Variants in MALRD1 observed in about 807,000 individuals in gnomAD.
MALRD1 encodes the protein MAM and LDL-receptor class A domain-containing protein 1.
In MALRD1, 247 loss-of-function variants were observed where a neutral mutation model predicts 242.1. The ratio of observed to expected loss-of-function variants is 1.02; its 90% CI spans 0.92 to 1.13. The LOEUF (loss-of-function observed/expected upper bound fraction) is 1.13. Ranked by LOEUF, MALRD1 falls within the 50% of genes most tolerant of loss-of-function variation. The pLI, the probability that MALRD1 is intolerant of heterozygous loss-of-function variation, is 0.00. For missense variants in MALRD1, 2,989 were observed against 2,533.1 expected, an observed-to-expected ratio of 1.18 and a Z score of -3.86; for synonymous variants, 995 against 866.6, an observed-to-expected ratio of 1.15 and a Z score of -2.60.
intron 33 of MALRD1, among the ~76,000 whole-genome samples, chr10:19,582,060 G>C (rs1325708208): frequency 6.6e-6 from 1 of 151,992 alleles, no homozygotes; most frequent in East Asian, 1.9e-4. Context: ...CCCACTTTTT[G>C]ATGGGGTTGT....
At chr10:19,502,019 AAAAAAAGAAAAG>A (rs1463364679) in intron 31 of MALRD1, among the ~76,000 whole-genome samples, 1 of 113,270 alleles carries the variant, frequency 8.8e-6, no homozygotes, top group Non-Finnish European at 1.7e-5. Context: ...TCTCAAAAAA[AAAAAAAGAAAAG>A]AAAAGAAAAG....
At chr10:19,489,460 G>C in intron 29 of MALRD1, 1 of 581,874 alleles carries the variant, frequency 1.7e-6, no homozygotes, top group South Asian at 1.4e-5. Flanking sequence ...CAATCCAGGG[G>C]AATATTTTTA....
At chr10:19,471,422 T>C (rs1193095398) in intron 29 of MALRD1, among the ~76,000 whole-genome samples, 2 of 151,928 alleles carry the variant, frequency 1.3e-5, no homozygotes, top group Admixed American at 6.6e-5. Context: ...TCAGGGTATT[T>C]TGTAATTCGA....
chr10:19,699,432 A>G (rs1477899909), intron 38 of MALRD1, among the ~76,000 whole-genome samples: 2 of 151,996 alleles, frequency 1.3e-5, no homozygotes, highest in Non-Finnish European at 2.9e-5. Flanking sequence ...GAAAATAGAG[A>G]TAAATTGGAA....
At chr10:19,619,495 A>G (rs1032752489) in intron 36 of MALRD1, among the ~76,000 whole-genome samples, 2 of 152,046 alleles carry the variant, frequency 1.3e-5, no homozygotes, top group African/African-American at 2.4e-5. Flanking sequence ...TTTTAAGGAT[A>G]CCTCCAACAA....
chr10:19,429,654 C>G (rs151117435), intron 28 of MALRD1, among the ~76,000 whole-genome samples: 2 of 152,254 alleles, frequency 1.3e-5, no homozygotes, highest in African/African-American at 4.8e-5. Flanking sequence ...TTGATACCTG[C>G]TATAGCCCCC....
In MALRD1 at chr10:19,518,956, A is replaced by G. The variant is rs145812044; in HGVS notation, c.5321-12238A>G. On this transcript the variant is annotated intron_variant, in intron 31 of 39. Coordinates refer to ENST00000454679, the MANE Select transcript of MALRD1 (RefSeq NM_001142308.3). ...CAATGAATTAGACAGCATTATCCCT[A>G]TAATGCTGTTTGGTGTATGTAATGC... 1.6e-3 allele frequency among the ~76,000 whole-genome samples: 241 copies of G among 152,334 alleles called. 1 individual carries two copies. Among genetic ancestry groups the G allele is most frequent in the African/African-American group, 5.5e-3 (230 of 41,578 alleles).
intron 19 of MALRD1, among the ~76,000 whole-genome samples, chr10:19,260,065 A>G (rs965147635): frequency 1.3e-5 from 2 of 152,182 alleles, no homozygotes; most frequent in African/African-American, 4.8e-5. Flanking sequence ...AGGAATGTCA[A>G]TAATTTTAGG....
intron 26 of MALRD1, among the ~76,000 whole-genome samples, chr10:19,384,381 T>A (rs1388584418): frequency 4.2e-4 from 46 of 110,510 alleles, no homozygotes; most frequent in Middle Eastern, 5.0e-3. Flanking sequence ...AATATAATAT[T>A]TACTATATAT....
intron 28 of MALRD1, among the ~76,000 whole-genome samples, chr10:19,418,044 A>G (rs1019110893): frequency 6.6e-6 from 1 of 152,132 alleles, no homozygotes; most frequent in Non-Finnish European, 1.5e-5. Flanking sequence ...AAACAAATTT[A>G]TCTAAGAAAA....
chr10:19,239,869 A>G (rs750920369), intron 18 of MALRD1, among the ~76,000 whole-genome samples: 2 of 152,180 alleles, frequency 1.3e-5, no homozygotes, highest in Middle Eastern at 3.4e-3. Flanking sequence ...TGTTTGCTTT[A>G]TGGCAGTGCC....
rs550758349 is a variant in MALRD1, at chr10:19,663,186, T to C, written c.6138-29096T>C. 7.9e-5 allele frequency among the ~76,000 whole-genome samples: 12 copies of C among 152,250 alleles called. No individual in the cohort carries two copies. In the East Asian group the frequency reaches 2.1e-3, roughly 27 times the overall value. On this transcript the variant is annotated intron_variant, in intron 36 of 39. Coordinates refer to ENST00000454679, the MANE Select transcript of MALRD1 (RefSeq NM_001142308.3). ...CCCTCACCCCTCTTCCACCCTTTCA[T>C]ATTTTTGAGTCTCCAGTGCCTATTA...
intron 32 of MALRD1, among the ~76,000 whole-genome samples, chr10:19,553,455 A>G (rs1835581983): frequency 6.6e-6 from 1 of 152,162 alleles, no homozygotes; most frequent in African/African-American, 2.4e-5. Context: ...CATTAAAAAA[A>G]TCCATTTATC....
intron 33 of MALRD1, among the ~76,000 whole-genome samples, chr10:19,568,814 T>A (rs1678173000): frequency 6.6e-6 from 1 of 152,136 alleles, no homozygotes; most frequent in African/African-American, 2.4e-5. Flanking sequence ...GCATTCAGAA[T>A]TTTGAATTCT....
chr10:19,730,694 G>A lies in MALRD1; in HGVS notation c.6315-12G>A. The A allele has an allele frequency of 3.9e-6, 6 of 1,536,428 alleles. No homozygotes were observed. The highest frequency in any genetic ancestry group is 5.2e-6 in the Non-Finnish European group (6 of 1,146,872). On this transcript the variant is annotated splice_polypyrimidine_tract_variant and intron_variant, in intron 38 of 39. Transcript: ENST00000454679. ...ATAGTTTTTTATTTTTGATGGCCCT[G>A]TGTGCTTTAAGGAAAACCGAGGGAA... is the stretch of plus-strand genomic sequence containing the variant.
In MALRD1 at chr10:19,400,372, C is replaced by T. The variant is rs567443177; in HGVS notation, c.4845+10763C>T. On this transcript the variant is annotated intron_variant, in intron 28 of 39. Coordinates refer to ENST00000454679, the MANE Select transcript of MALRD1 (RefSeq NM_001142308.3). Reference sequence around the variant, plus strand: ...TTTGAATTCAGTGGCGGTGTGTTCCCATATGATTAAGTCTTTGTCTCCTGG... The same window carrying T: ...TTTGAATTCAGTGGCGGTGTGTTCCTATATGATTAAGTCTTTGTCTCCTGG... 7.9e-5 allele frequency among the ~76,000 whole-genome samples: 12 copies of T among 152,230 alleles called. No individual in the cohort carries two copies. In the South Asian group the frequency reaches 2.5e-3, roughly 32 times the overall value.
At chr10:19,398,567 C>T (rs908491074) in intron 28 of MALRD1, among the ~76,000 whole-genome samples, 2 of 151,996 alleles carry the variant, frequency 1.3e-5, no homozygotes, top group Non-Finnish European at 2.9e-5. Context: ...TGATCTGTTG[C>T]CTGTATTCAC....
intron 32 of MALRD1, among the ~76,000 whole-genome samples, chr10:19,534,191 A>C (rs1331382212): frequency 6.6e-6 from 1 of 152,224 alleles, no homozygotes; most frequent in Admixed American, 6.5e-5. Flanking sequence ...GCCATTACAG[A>C]AACTCAGCAA....
rs533782920 is a variant in MALRD1, at chr10:19,684,906, A to T, written c.6138-7376A>T. On this transcript the variant is annotated intron_variant, in intron 36 of 39. Coordinates refer to ENST00000454679, the MANE Select transcript of MALRD1 (RefSeq NM_001142308.3). Reference sequence around the variant, plus strand: ...ATCCTTTAAAACTACAAAATTAGAGACTGAGCATGGTATGGAATCAGTATA... The same window carrying T: ...ATCCTTTAAAACTACAAAATTAGAGTCTGAGCATGGTATGGAATCAGTATA... 6.6e-5 allele frequency among the ~76,000 whole-genome samples: 10 copies of T among 152,288 alleles called. No homozygotes were observed. The South Asian group carries it at 2.1e-3, about 32-fold the overall frequency.
Sources: allele counts gnomAD v4.1 joint callset (sites outside exome capture counted in the v4.1 genomes callset), GRCh38; gene constraint gnomAD v4.1.1; transcripts MANE v1.5; gene names NCBI Gene and HGNC (gene_info 2026-07-23, HGNC 2026-07-21).